RGS7BP: variants seen among roughly 807,000 people sequenced by gnomAD.
RGS7BP encodes the protein regulator of G protein signaling 7-binding protein.
Under a neutral mutation model 31.3 loss-of-function variants are expected in RGS7BP, and 9 were observed. That is an observed-to-expected ratio of 0.29 (90% CI 0.17 to 0.50). RGS7BP has a LOEUF of 0.50. Among genes scored for constraint, RGS7BP ranks in the 20% least tolerant of loss-of-function variants. The pLI, the probability that RGS7BP is intolerant of heterozygous loss-of-function variation, is 0.98. For missense variants in RGS7BP, 274 were observed against 322.0 expected, an observed-to-expected ratio of 0.85 and a Z score of 1.14; for synonymous variants, 115 against 120.1, an observed-to-expected ratio of 0.96 and a Z score of 0.28.
intron 3 of RGS7BP, among the ~76,000 whole-genome samples, chr5:64,579,894 T>C (rs1368366265): frequency 6.6e-6 from 1 of 152,222 alleles, no homozygotes; most frequent in Non-Finnish European, 1.5e-5. Flanking sequence ...TCCTGGCTTG[T>C]TTGTATTGTG....
chr5:64,603,308 G>GT (rs1743269431), intron 5 of RGS7BP, among the ~76,000 whole-genome samples: 4 of 152,200 alleles, frequency 2.6e-5, no homozygotes, highest in African/African-American at 9.7e-5. Flanking sequence ...TGGTCACCAA[G>GT]TTAGAGACAA....
intron 2 of RGS7BP, among the ~76,000 whole-genome samples, chr5:64,567,006 A>G (rs1742186547): frequency 6.6e-6 from 1 of 151,664 alleles, no homozygotes; most frequent in Non-Finnish European, 1.5e-5. Flanking sequence ...GAGAACAGAT[A>G]CACTTTAATT....
intron 2 of RGS7BP, among the ~76,000 whole-genome samples, chr5:64,540,099 T>C (rs1192735834): frequency 1.3e-5 from 2 of 152,136 alleles, no homozygotes; most frequent in African/African-American, 2.4e-5. Context: ...CAAAGAATAA[T>C]CATTGATTAT....
intron 3 of RGS7BP, among the ~76,000 whole-genome samples, chr5:64,589,899 T>C (rs1742862309): frequency 6.8e-6 from 1 of 146,126 alleles, no homozygotes; most frequent in South Asian, 2.1e-4. Flanking sequence ...CACTCTAGCC[T>C]GGGCAACAGA....
chr5:64,611,407 C>T lies in RGS7BP; in HGVS notation c.*2155C>T, dbSNP rs988850161. 1 of 152,234 alleles carries T rather than the reference C, an allele frequency of 6.6e-6. No individual in the cohort carries two copies. Among genetic ancestry groups the T allele is most frequent in the Non-Finnish European group, 1.5e-5 (1 of 67,866 alleles). The allele number at this position is 152,234 out of a possible 1,614,324, so 9.4% of individuals were successfully genotyped here. A position where few individuals can be genotyped will look rare whatever the true frequency, so the allele number is the denominator to read the frequency against. On this transcript the variant is annotated 3_prime_UTR_variant, in exon 6 of 6. Coordinates refer to ENST00000334025, the MANE Select transcript of RGS7BP (RefSeq NM_001029875.3). The stretch of plus-strand genomic sequence containing the variant: ...TCTTCTAAATGCCTGACCTAAATAA[C>T]TTCTGCTTGGTTAACTTGTGTTCAT...
chr5:64,554,690 G>A (rs1741880615), intron 2 of RGS7BP, among the ~76,000 whole-genome samples: 3 of 152,040 alleles, frequency 2.0e-5, no homozygotes, highest in African/African-American at 7.2e-5. Context: ...ATCTAGCAAA[G>A]GTGAAAGTGA....
At chr5:64,556,446 C>CAT (rs1741929169) in intron 2 of RGS7BP, among the ~76,000 whole-genome samples, 1 of 147,358 alleles carries the variant, frequency 6.8e-6, no homozygotes, top group Non-Finnish European at 1.5e-5. Flanking sequence ...CACACACACA[C>CAT]ACACACACAC....
Position 64,549,322 on chromosome 5 carries a change from A to C in RGS7BP, c.333-26452A>C, listed in dbSNP as rs879739577. Among the ~76,000 whole-genome samples the C allele has an allele frequency of 6.6e-5, 10 of 152,364 alleles. 1 individual carries two copies. The highest frequency in any genetic ancestry group is 1.9e-4 in the African/African-American group (8 of 41,594). ...TCCCAATCAAGTCCAAAGTTTAGCA[A>C]AACAAATTCCATTAGATGTTAAGGC... On this transcript the variant is annotated intron_variant, in intron 2 of 5. Coordinates refer to ENST00000334025, the MANE Select transcript of RGS7BP (RefSeq NM_001029875.3).
At chr5:64,594,677 C>T in intron 3 of RGS7BP, 33 bp from the exon 4 acceptor site, 1 of 1,610,964 alleles carries the variant, frequency 6.2e-7, no homozygotes, top group Non-Finnish European at 8.5e-7. Flanking sequence ...TTTCTTTTTC[C>T]TCTTCTCTTT....
rs776331255 is a variant in RGS7BP, at chr5:64,610,242, C to T, written c.*990C>T. On this transcript the variant is annotated 3_prime_UTR_variant, in exon 6 of 6. Coordinates refer to ENST00000334025, the MANE Select transcript of RGS7BP (RefSeq NM_001029875.3). ...GACTATGCAGATAAGATTTTTCCAACGTGTACTTGGTGTCTTGTCTTATGC... is the reference window on the plus strand; with the variant it reads ...GACTATGCAGATAAGATTTTTCCAATGTGTACTTGGTGTCTTGTCTTATGC... The T allele has an allele frequency of 3.3e-5, 5 of 152,362 alleles. No individual in the cohort carries two copies. The highest frequency in any genetic ancestry group is 5.9e-5 in the Non-Finnish European group (4 of 67,928). 9.4% of individuals were successfully genotyped at this position (152,362 alleles called of 1,614,324 possible). A position where few individuals can be genotyped will look rare whatever the true frequency, so the allele number is the denominator to read the frequency against.
intron 2 of RGS7BP, among the ~76,000 whole-genome samples, chr5:64,562,431 T>G (rs1003526611): frequency 2.0e-5 from 3 of 152,130 alleles, no homozygotes; most frequent in Admixed American, 6.6e-5. Flanking sequence ...TTATACTGAT[T>G]TGAGGCACTG....
Position 64,611,312 on chromosome 5 carries a change from A to T in RGS7BP, c.*2060A>T, listed in dbSNP as rs1008774636. On this transcript the variant is annotated 3_prime_UTR_variant, in exon 6 of 6. Coordinates refer to ENST00000334025, the MANE Select transcript of RGS7BP (RefSeq NM_001029875.3). ...CTATACTTCAACTATATTGAACTCT[A>T]GCTTCAATCTAGTTCCTACTAATCC... The T allele has an allele frequency of 1.3e-5, 2 of 152,330 alleles. No individual in the cohort carries two copies. The highest frequency in any genetic ancestry group is 2.9e-5 in the Non-Finnish European group (2 of 67,914). The allele number at this position is 152,330 out of a possible 1,614,324, so 9.4% of individuals were successfully genotyped here. A position where few individuals can be genotyped will look rare whatever the true frequency, so the allele number is the denominator to read the frequency against.
chr5:64,568,064 AATAT>A (rs1464686883), intron 2 of RGS7BP, among the ~76,000 whole-genome samples: 1 of 151,822 alleles, frequency 6.6e-6, no homozygotes, highest in Admixed American at 6.6e-5. Context: ...CTTTTAAAAT[AATAT>A]ATAGATATAA....
At chr5:64,605,928 CTATATATATGTATAT>C (rs1743343880) in intron 5 of RGS7BP, among the ~76,000 whole-genome samples, 1 of 127,634 alleles carries the variant, frequency 7.8e-6, no homozygotes, top group Non-Finnish European at 1.7e-5. Flanking sequence ...TATATATATG[CTATATATATGTATAT>C]CTGGATACAT....
chr5:64,572,559 A>G (rs73092865), intron 2 of RGS7BP, among the ~76,000 whole-genome samples: 5,403 of 152,188 alleles, frequency 0.036, 294 homozygotes, highest in African/African-American at 0.12. Flanking sequence ...TTCTTTCTCT[A>G]TATTTCAATT....
At chr5:64,563,333 T>C (rs1444510545) in intron 2 of RGS7BP, among the ~76,000 whole-genome samples, 1 of 152,082 alleles carries the variant, frequency 6.6e-6, no homozygotes, top group Non-Finnish European at 1.5e-5. Context: ...TCCCCCAAAT[T>C]CATATGTTGA....
intron 2 of RGS7BP, among the ~76,000 whole-genome samples, chr5:64,537,955 A>G (rs1394382373): frequency 6.6e-6 from 1 of 152,242 alleles, no homozygotes; most frequent in Non-Finnish European, 1.5e-5. Context: ...AAGAGGAAAG[A>G]ACTCATAACC....
intron 5 of RGS7BP, among the ~76,000 whole-genome samples, chr5:64,600,037 A>G (rs1561350268): frequency 6.6e-6 from 1 of 152,210 alleles, no homozygotes; most frequent in Non-Finnish European, 1.5e-5. Flanking sequence ...ACCATCAAAT[A>G]GAGGAATCCC....
At chr5:64,564,314 C>T (rs3797051) in intron 2 of RGS7BP, among the ~76,000 whole-genome samples, 121,290 of 152,088 alleles carry the variant, frequency 0.8, 48,827 homozygotes, top group African/African-American at 0.89. Flanking sequence ...AAGCCAACTA[C>T]ACAGTTTCAA....
Sources: allele counts gnomAD v4.1 joint callset (sites outside exome capture counted in the v4.1 genomes callset), GRCh38; gene constraint gnomAD v4.1.1; transcripts MANE v1.5; gene names NCBI Gene and HGNC (gene_info 2026-07-23, HGNC 2026-07-21).